Variants in EFCAB12 observed in about 807,000 individuals in gnomAD.
EFCAB12 encodes the protein EF-hand calcium binding domain 12.
EFCAB12 carries 43 observed loss-of-function variants against 53.6 expected under a neutral mutation model. The observed-to-expected ratio is 0.80, with a 90% CI of 0.63 to 1.03. The LOEUF (loss-of-function observed/expected upper bound fraction) is 1.03, where lower values mean the gene tolerates loss of function less well. EFCAB12 is among the 50% of genes least tolerant of loss of function. The probability of loss-of-function intolerance (pLI) is 0.00; values close to 1 mark genes in which losing one functional copy is unlikely to be tolerated. For missense variants in EFCAB12, 646 were observed against 730.6 expected (o/e 0.88, Z 1.34); for synonymous variants, 269 against 289.2 (o/e 0.93, Z 0.71).
At position 129,401,324 on chromosome 3, in the gene EFCAB12, A is replaced by C; in HGVS notation, c.*269T>G. 2.7e-6 allele frequency: 1 copy of C among 369,894 alleles called. No homozygotes were observed. Among genetic ancestry groups the C allele is most frequent in the Non-Finnish European group, 4.8e-6 (1 of 207,962 alleles). The allele number at this position is 369,894 out of a possible 1,614,324, so 22.9% of individuals were successfully genotyped here. ...ATCACATCAGCTGGGTCACAGGTGA[A>C]ATGAGAAAAACTCCAACCTGCTTTA... On this transcript the variant is annotated 3_prime_UTR_variant, in exon 9 of 9. Coordinates refer to ENST00000505956, the MANE Select transcript of EFCAB12 (RefSeq NM_207307.3).
intron 1 of EFCAB12, among the ~76,000 whole-genome samples, chr3:129,424,672 C>T (rs2072249618): frequency 6.6e-6 from 1 of 152,226 alleles, no homozygotes; most frequent in Non-Finnish European, 1.5e-5. Flanking sequence ...CTAAACAACA[C>T]ATGTATCATT....
At chr3:129,419,340 G>A (rs371858592) in intron 2 of EFCAB12, among the ~76,000 whole-genome samples, 9 of 152,172 alleles carry the variant, frequency 5.9e-5, no homozygotes, top group South Asian at 2.1e-4. Context: ...CCAGGAGTTC[G>A]TTGGAAATGC....
At chr3:129,406,527 G>T (rs1001462267) in intron 6 of EFCAB12, among the ~76,000 whole-genome samples, 1 of 152,174 alleles carries the variant, frequency 6.6e-6, no homozygotes, top group Non-Finnish European at 1.5e-5. Context: ...GAGAGAGAAA[G>T]GGTCTTGCTC....
intron 1 of EFCAB12, among the ~76,000 whole-genome samples, chr3:129,424,048 T>A (rs2072220973): frequency 6.6e-6 from 1 of 152,192 alleles, no homozygotes; most frequent in Admixed American, 6.5e-5. Context: ...AGTCCCATCA[T>A]AAGCATTTAC....
At chr3:129,426,360 T>TG (rs2072271547) in intron 1 of EFCAB12, among the ~76,000 whole-genome samples, 3 of 74,922 alleles carry the variant, frequency 4.0e-5, no homozygotes, top group African/African-American at 1.5e-4. Context: ...TTTTTTTTTG[T>TG]TTTTTTTTTT....
In EFCAB12 at chr3:129,404,258, C is replaced by T. The variant is rs769881917; in HGVS notation, c.1395G>A (p.Arg465=). The T allele has an allele frequency of 2.5e-6, 4 of 1,612,738 alleles. No homozygotes were observed. Among genetic ancestry groups the T allele is most frequent in the Admixed American group, 3.3e-5 (2 of 59,848 alleles). The change falls in exon 7 of 9, where the codon AGG becomes AGA. Residue 465 remains arginine, a synonymous_variant. Transcript: ENST00000505956. The stretch of plus-strand genomic sequence containing the variant: ...GGGGTCCGAAACTCAGCTTGTCAGT[C>T]CTCTTAGACTTGCCAGGGCCCTGGG... ...LRSQGPGKSK[R]TDKKTPKKSK...
chr3:129,416,555 A>G (rs2072118379), intron 3 of EFCAB12, among the ~76,000 whole-genome samples: 1 of 152,268 alleles, frequency 6.6e-6, no homozygotes, highest in African/African-American at 2.4e-5. Context: ...AGATAATTAC[A>G]TGTCATAAAA....
chr3:129,410,267 C>G (rs1216604891), intron 5 of EFCAB12, among the ~76,000 whole-genome samples: 1 of 151,850 alleles, frequency 6.6e-6, no homozygotes, highest in African/African-American at 2.4e-5. Flanking sequence ...ACTTTGGCCT[C>G]CCAAATTGCT....
At chr3:129,417,362 C>CA (rs61426073) in intron 3 of EFCAB12, among the ~76,000 whole-genome samples, 279 of 123,740 alleles carry the variant, frequency 2.3e-3, no homozygotes, top group Middle Eastern at 8.3e-3. Flanking sequence ...AACCCAAAAC[C>CA]AAAAAAAAAA....
In EFCAB12 at chr3:129,418,099, T is replaced by G. The variant is rs867391217; in HGVS notation, c.681+155A>C. 4.1e-4 allele frequency among the ~76,000 whole-genome samples: 62 copies of G among 152,192 alleles called. No homozygotes were observed. The Middle Eastern group carries it at 0.034, about 83-fold the overall frequency. On this transcript the variant is annotated intron_variant, in intron 3 of 8. Transcript: ENST00000505956. ...CAAGTTAATCCATATTTTCTAGCCTTAATAAGTAATAAGGCTGACAGTTTG... is the reference window on the plus strand; with the variant it reads ...CAAGTTAATCCATATTTTCTAGCCTGAATAAGTAATAAGGCTGACAGTTTG...
chr3:129,408,599 G>A, intron 6 of EFCAB12, 46 bp downstream of exon 6: 1 of 1,545,814 alleles, frequency 6.5e-7, no homozygotes, highest in Non-Finnish European at 8.8e-7. Context: ...CCCCAGCTCT[G>A]GGGTTCCCTT....
chr3:129,428,444 C>A lies in EFCAB12; in HGVS notation c.45G>T (p.Leu15=). 3.1e-6 allele frequency: 5 copies of A among 1,609,152 alleles called. No homozygotes were observed. Among genetic ancestry groups the A allele is most frequent in the Non-Finnish European group, 4.2e-6 (5 of 1,177,682 alleles). The part of the protein sequence containing the change: ...YEAYHSLFLS[L]LGLCPSKTPI... Reference sequence around the variant, plus strand: ...ACGCTTCTTCCCGGGGCTTACCGAGCAGCGACAAGAACAGACTGTGGTACG... The same window carrying A: ...ACGCTTCTTCCCGGGGCTTACCGAGAAGCGACAAGAACAGACTGTGGTACG... The change falls in exon 1 of 9, where the codon CTG becomes CTT. Residue 15 remains leucine (L), a synonymous_variant. Transcript: ENST00000505956.
At chr3:129,406,398 C>T (rs1300793364) in intron 6 of EFCAB12, among the ~76,000 whole-genome samples, 1 of 152,184 alleles carries the variant, frequency 6.6e-6, no homozygotes, top group African/African-American at 2.4e-5. Context: ...CCCCTGTATA[C>T]ACTTGTGATG....
chr3:129,412,420 A>G (rs4688812), intron 4 of EFCAB12: 12,006 of 126,488 alleles, frequency 0.095, 1,174 homozygotes, highest in East Asian at 0.37. Flanking sequence ...GGATATGTGT[A>G]GATGGATGGA....
intron 3 of EFCAB12, among the ~76,000 whole-genome samples, chr3:129,417,477 A>G (rs2072133351): frequency 6.6e-6 from 1 of 152,078 alleles, no homozygotes; most frequent in African/African-American, 2.4e-5. Flanking sequence ...GAAAGCAGCC[A>G]TAGACAATTC....
chr3:129,417,240 G>A (rs1279186515), intron 3 of EFCAB12, among the ~76,000 whole-genome samples: 1 of 147,746 alleles, frequency 6.8e-6, no homozygotes, highest in Non-Finnish European at 1.5e-5. Flanking sequence ...CAGGAAAATT[G>A]CTTGAACCTG....
rs527265250 is a variant in EFCAB12, at chr3:129,406,141, A to G, written c.1250-1738T>C. Among the ~76,000 whole-genome samples the G allele has an allele frequency of 3.2e-3, 485 of 152,236 alleles. 3 individuals carry two copies. Among genetic ancestry groups the G allele is most frequent in the Non-Finnish European group, 5.8e-3 (397 of 68,016 alleles). ...AACCCAGAGGAGCAGTCCAGGGCAC[A>G]TGGCAAGCTGGCTGCATTTGAGAAG... On this transcript the variant is annotated intron_variant, in intron 6 of 8. Transcript: ENST00000505956.
At chr3:129,402,454 A>G in intron 8 of EFCAB12, 69 bp downstream of exon 8, 2 of 1,523,088 alleles carry the variant, frequency 1.3e-6, no homozygotes, top group Non-Finnish European at 1.8e-6. Context: ...GCAGAGTCCC[A>G]GTTGTCTCAG....
rs1452030782 is a variant in EFCAB12, at chr3:129,426,371, T to TG, written c.49+2068_49+2069insC. 6.4e-5 allele frequency among the ~76,000 whole-genome samples: 8 copies of TG among 124,748 alleles called. No homozygotes were observed. In the Admixed American group the frequency reaches 6.6e-4, roughly 10 times the overall value. The allele number at this position is 124,748 out of a possible 152,430, so 81.8% of individuals were successfully genotyped here. ...AGGGTTTTTTTTTGTTTTTTTTTTT[T>TG]TTTTTTTTTTTGAGACGGACTCTTG... On this transcript the variant is annotated intron_variant, in intron 1 of 8. Coordinates refer to ENST00000505956, the MANE Select transcript of EFCAB12 (RefSeq NM_207307.3).
Sources: allele counts gnomAD v4.1 joint callset (sites outside exome capture counted in the v4.1 genomes callset), GRCh38; gene constraint gnomAD v4.1.1; transcripts MANE v1.5; gene names NCBI Gene and HGNC (gene_info 2026-07-23, HGNC 2026-07-21).